N4BP2L2: variants seen among roughly 807,000 people sequenced by gnomAD.
N4BP2L2 encodes NEDD4 binding protein 2 like 2, also known as NEDD4-binding protein 2-like 2.
N4BP2L2 carries 50 observed loss-of-function variants against 56.2 expected under a neutral mutation model. The observed-to-expected ratio is 0.89, with a 90% confidence interval of 0.71 to 1.13. The LOEUF (loss-of-function observed/expected upper bound fraction) is 1.13, where lower values mean the gene tolerates loss of function less well. N4BP2L2 is among the 50% of genes most tolerant of loss of function. N4BP2L2 has a pLI of 0.00. For synonymous variants in N4BP2L2, 203 were observed against 223.6 expected (o/e 0.91, Z 0.82); for missense variants, 689 against 693.8 (o/e 0.99, Z 0.08).
intron 5 of N4BP2L2, among the ~76,000 whole-genome samples, chr13:32,519,864 T>A (rs949225724): frequency 2.0e-5 from 3 of 152,128 alleles, no homozygotes; most frequent in African/African-American, 7.2e-5. Flanking sequence ...ATTAAGAAAA[T>A]AATAAATTTT....
chr13:32,462,565 T>C (rs1428411620), intron 6 of N4BP2L2, among the ~76,000 whole-genome samples: 1 of 152,062 alleles, frequency 6.6e-6, no homozygotes, highest in Non-Finnish European at 1.5e-5. Flanking sequence ...AGGGTGACTA[T>C]ATAGTTAAAA....
intron 6 of N4BP2L2, among the ~76,000 whole-genome samples, chr13:32,468,796 G>A (rs1181546269): frequency 6.6e-6 from 1 of 152,230 alleles, no homozygotes; most frequent in East Asian, 1.9e-4. Flanking sequence ...CCAGAGAAAA[G>A]AGAGAGAGCC....
At chr13:32,458,028 ATTTGTTTTTTGTTTTGTTTTGT>A (rs1288409361) in intron 6 of N4BP2L2, among the ~76,000 whole-genome samples, 52 of 151,030 alleles carry the variant, frequency 3.4e-4, no homozygotes, top group Non-Finnish European at 5.6e-4. Flanking sequence ...GGCTGTATTG[ATTTGTTTTTTGTTTTGTTTTGT>A]TTTGTTTTTT....
chr13:32,443,313 C>T (rs775443280), exon 7 of N4BP2L2: 2 of 1,613,998 alleles, frequency 1.2e-6, no homozygotes, highest in South Asian at 2.2e-5. Flanking sequence ...GACCAGCCAA[C>T]TTACATGCTC....
chr13:32,538,383 C>CA (rs2140398221), intron 1 of N4BP2L2, among the ~76,000 whole-genome samples: 1 of 152,272 alleles, frequency 6.6e-6, no homozygotes, highest in African/African-American at 2.4e-5. Flanking sequence ...ATCCGAGCCC[C>CA]ATGCCTCCAG....
intron 6 of N4BP2L2, among the ~76,000 whole-genome samples, chr13:32,458,200 G>A (rs1411333518): frequency 6.6e-6 from 1 of 152,140 alleles, no homozygotes; most frequent in East Asian, 1.9e-4. Context: ...GAGTAGCTGG[G>A]ACTACAGGCA....
chr13:32,453,167 A>C (rs2078382534), intron 6 of N4BP2L2, among the ~76,000 whole-genome samples: 1 of 152,172 alleles, frequency 6.6e-6, no homozygotes, highest in African/African-American at 2.4e-5. Context: ...GCTGAGGCAG[A>C]AGTGCTTGAG....
chr13:32,492,334 G>C (rs1374700806), intron 6 of N4BP2L2, among the ~76,000 whole-genome samples: 1 of 141,040 alleles, frequency 7.1e-6, no homozygotes, highest in African/African-American at 2.7e-5. Context: ...CGAGGCTGGA[G>C]TGCGGTGGCG....
At chr13:32,526,107 A>G (rs2052676720) in intron 3 of N4BP2L2, among the ~76,000 whole-genome samples, 2 of 152,168 alleles carry the variant, frequency 1.3e-5, no homozygotes, top group African/African-American at 4.8e-5. Context: ...AAAACAAAGA[A>G]GAGGAGCAAG....
In N4BP2L2 at chr13:32,452,371, G is replaced by C. The variant is rs527432894; in HGVS notation, c.366-8245C>G. Reference sequence around the variant, plus strand: ...CCACTGCGCCCAGCCAGCACCTCCAGCTTTTTTTCAAAATGCTAACATAGA... The same window carrying C: ...CCACTGCGCCCAGCCAGCACCTCCACCTTTTTTTCAAAATGCTAACATAGA... On this transcript the variant is annotated intron_variant, in intron 6 of 9. Coordinates refer to the N4BP2L2 transcript ENST00000357505. 2.6e-5 allele frequency among the ~76,000 whole-genome samples: 4 copies of C among 152,262 alleles called. No individual in the cohort carries two copies. In the South Asian group the frequency reaches 6.2e-4, roughly 24 times the overall value.
intron 9 of N4BP2L2, among the ~76,000 whole-genome samples, chr13:32,435,532 C>G (rs2075380012): frequency 6.6e-6 from 1 of 152,176 alleles, no homozygotes; most frequent in Non-Finnish European, 1.5e-5. Context: ...CCACACCTGG[C>G]CACATTTGCT....
chr13:32,528,844 TCC>T (rs375895550), intron 2 of N4BP2L2, among the ~76,000 whole-genome samples: 18 of 152,246 alleles, frequency 1.2e-4, no homozygotes, highest in African/African-American at 4.1e-4. Context: ...CATCTCTCCA[TCC>T]CTCAGCTTAT....
intron 5 of N4BP2L2, among the ~76,000 whole-genome samples, chr13:32,520,233 T>C (rs1489093985): frequency 6.6e-6 from 1 of 151,880 alleles, no homozygotes; most frequent in African/African-American, 2.4e-5. Context: ...TCTGTGAATA[T>C]ACAGAAAAAC....
intron 6 of N4BP2L2, among the ~76,000 whole-genome samples, chr13:32,455,151 T>C (rs1159546466): frequency 6.6e-6 from 1 of 152,188 alleles, no homozygotes; most frequent in East Asian, 1.9e-4. Flanking sequence ...TACTGCATGC[T>C]GCTATCACTA....
Position 32,443,370 on chromosome 13 carries a change from AG to A in N4BP2L2, c.1121del (p.Pro374LeufsTer33). 6.2e-7 allele frequency: 1 copy of A among 1,614,042 alleles called. No homozygotes were observed. On this transcript the variant is annotated frameshift_variant, in exon 7 of 10. Coordinates refer to the N4BP2L2 transcript ENST00000357505. LOFTEE classifies it high-confidence loss of function. ...CACATATAAACTTATGAGGTCCTGC[AG>A]GCCAGCTACCAAAATAGGGCTGTCT...
At chr13:32,501,164 G>A (rs1286741610) in intron 6 of N4BP2L2, among the ~76,000 whole-genome samples, 1 of 152,104 alleles carries the variant, frequency 6.6e-6, no homozygotes, top group Non-Finnish European at 1.5e-5. Context: ...CACTGCACCT[G>A]GCCCACTTTT....
intron 6 of N4BP2L2, among the ~76,000 whole-genome samples, chr13:32,455,278 G>A (rs2078785351): frequency 6.6e-6 from 1 of 152,198 alleles, no homozygotes; most frequent in African/African-American, 2.4e-5. Context: ...CCTGGGGCAT[G>A]CGCAGTGTAC....
At chr13:32,517,210 T>A in exon 6 of N4BP2L2, 1 of 985,594 alleles carries the variant, frequency 1.0e-6, no homozygotes, top group Non-Finnish European at 1.2e-6. Context: ...ATGCATATTA[T>A]GAAGAAAACT....
At chr13:32,527,680 C>T (rs2239748) in intron 2 of N4BP2L2, 148 bp from the exon 3 acceptor site, 257,988 of 824,016 alleles carry the variant, frequency 0.31, 45,111 homozygotes, top group Non-Finnish European at 0.36. Flanking sequence ...AAGTATATCA[C>T]GAACAGACCA....
Sources: gnomAD v4.1 joint callset for allele counts (sites outside exome capture counted in the v4.1 genomes callset) on GRCh38, gnomAD v4.1.1 for gene constraint, MANE v1.5 for transcripts, NCBI Gene and HGNC (gene_info 2026-07-23, HGNC 2026-07-21) for gene names.